Variants in ZNF587 observed in about 807,000 individuals in gnomAD.
ZNF587 encodes zinc finger protein zfp6.
Under a neutral mutation model 7.5 loss-of-function variants are expected in ZNF587, and 8 were observed. The ratio of observed to expected loss-of-function variants is 1.06; its 90% confidence interval spans 0.62 to 1.92. ZNF587 has a LOEUF of 1.92. Ranked by LOEUF, ZNF587 falls within the 40% of genes most tolerant of loss-of-function variation. The pLI is 0.00. For missense variants in ZNF587, 468 were observed against 692.8 expected, an observed-to-expected ratio of 0.68 and a Z score of 3.64; for synonymous variants, 145 against 237.8, an observed-to-expected ratio of 0.61 and a Z score of 3.59.
At chr19:57,852,943 C>T (rs138072220) in intron 1 of ZNF587, among the ~76,000 whole-genome samples, 2 of 146,756 alleles carry the variant, frequency 1.4e-5, no homozygotes, top group Non-Finnish European at 3.0e-5. Flanking sequence ...ACCTTCACCT[C>T]CTGGGCTCAA....
Position 57,864,901 on chromosome 19 carries a change from T to TG in ZNF587, c.*4765dup, listed in dbSNP as rs1330214923. ...GAGATGGTGCCATCGCACTCTAGCC[T>TG]GGGGAATAGAGTGAGATCCTGCCTC... On this transcript the variant is annotated 3_prime_UTR_variant, in exon 3 of 3. Coordinates refer to ENST00000339656, the MANE Select transcript of ZNF587 (RefSeq NM_032828.4). 5.3e-5 allele frequency: 8 copies of TG among 152,100 alleles called. No individual in the cohort carries two copies. Among genetic ancestry groups the TG allele is most frequent in the Non-Finnish European group, 5.9e-5 (4 of 68,034 alleles). 9.4% of individuals were successfully genotyped at this position (152,100 alleles called of 1,614,324 possible).
chr19:57,862,961 TTG>T lies in ZNF587; in HGVS notation c.*2825_*2826del, dbSNP rs1227685671. On this transcript the variant is annotated 3_prime_UTR_variant, in exon 3 of 3. Coordinates refer to ENST00000339656, the MANE Select transcript of ZNF587 (RefSeq NM_032828.4). Reference sequence around the variant, plus strand: ...CAAGCAAAGTTATTGAGTGGACACTTTGTGTTTTTTTTGAGAAGTCTCACTCT... The same window carrying T: ...CAAGCAAAGTTATTGAGTGGACACTTTGTTTTTTTTGAGAAGTCTCACTCT... The T allele has an allele frequency of 6.5e-6, 1 of 154,606 alleles. No individual in the cohort carries two copies. The highest frequency in any genetic ancestry group is 1.5e-5 in the Non-Finnish European group (1 of 68,238). 9.6% of individuals were successfully genotyped at this position (154,606 alleles called of 1,614,324 possible).
At chr19:57,851,934 G>A (rs1040308201) in intron 1 of ZNF587, 4 of 163,800 alleles carry the variant, frequency 2.4e-5, no homozygotes, top group African/African-American at 9.5e-5. Context: ...GGGTTACCTG[G>A]TTCCAGGGAC....
In ZNF587 at chr19:57,860,855, A is replaced by G. The variant is rs924252751; in HGVS notation, c.*715A>G. On this transcript the variant is annotated 3_prime_UTR_variant, in exon 3 of 3. Coordinates refer to ENST00000339656, the MANE Select transcript of ZNF587 (RefSeq NM_032828.4). ...GTGCAGTGCCTGAGTCACGTGATAGATTAAAGTACAACTCTTTTTTGAGAC... is the reference window on the plus strand; with the variant it reads ...GTGCAGTGCCTGAGTCACGTGATAGGTTAAAGTACAACTCTTTTTTGAGAC... 1 of 152,110 alleles carries G rather than the reference A, an allele frequency of 6.6e-6. No homozygotes were observed. The highest frequency in any genetic ancestry group is 1.5e-5 in the Non-Finnish European group (1 of 68,050). The allele number at this position is 152,110 out of a possible 1,614,324, so 9.4% of individuals were successfully genotyped here. A position where few individuals can be genotyped will look rare whatever the true frequency, so the allele number is the denominator to read the frequency against.
chr19:57,851,953 G>T (rs545682134), intron 1 of ZNF587: 90 of 172,026 alleles, frequency 5.2e-4, no homozygotes, highest in African/African-American at 1.6e-3. Flanking sequence ...ACAAGAAAGG[G>T]TTCAGGGAGT....
Position 57,859,355 on chromosome 19 carries a change from C to T in ZNF587, c.943C>T (p.Gln315Ter). ...FSQKGSLISH[Q>*]LVHTGEGPYE... Reference sequence around the variant, plus strand: ...TCAGAAGGGCAGCCTTATTAGCCATCAGCTTGTTCACACTGGAGAAGGGCC... The same window carrying T: ...TCAGAAGGGCAGCCTTATTAGCCATTAGCTTGTTCACACTGGAGAAGGGCC... Residue 315 changes from glutamine to a stop codon, truncating the protein, a stop_gained, in exon 3 of 3, where the codon CAG becomes TAG. Transcript: ENST00000339656. LOFTEE classifies it low-confidence loss of function (END_TRUNC). 1 of 1,610,268 alleles carries T rather than the reference C, an allele frequency of 6.2e-7. No homozygotes were observed. The highest frequency in any genetic ancestry group is 1.1e-5 in the South Asian group (1 of 90,998).
chr19:57,851,796 G>A (rs2071283803), intron 1 of ZNF587: 1 of 152,290 alleles, frequency 6.6e-6, no homozygotes, highest in African/African-American at 2.4e-5. Context: ...GCCAATCAAA[G>A]GAAGAACATC....
rs1319529450 is a variant in ZNF587, at chr19:57,858,364, T to G, written c.164-212T>G. The G allele has an allele frequency of 2.2e-6, 2 of 908,006 alleles. 1 individual carries two copies. Among genetic ancestry groups the G allele is most frequent in the African/African-American group, 3.4e-5 (2 of 58,762 alleles). 56.2% of individuals were successfully genotyped at this position (908,006 alleles called of 1,614,324 possible). Reference sequence around the variant, plus strand: ...CTGGTCTTGAACTTCTGACCTCAGGTGATCCACCCGCCTCAGCCTCCCAAA... The same window carrying G: ...CTGGTCTTGAACTTCTGACCTCAGGGGATCCACCCGCCTCAGCCTCCCAAA... On this transcript the variant is annotated intron_variant, in intron 2 of 2. Transcript: ENST00000339656.
In ZNF587 at chr19:57,859,877, G is replaced by C. The variant is rs374819855; in HGVS notation, c.1465G>C (p.Glu489Gln). The C allele has an allele frequency of 6.2e-7, 1 of 1,614,216 alleles. No individual in the cohort carries two copies. Among genetic ancestry groups the C allele is most frequent in the Non-Finnish European group, 8.5e-7 (1 of 1,180,032 alleles). The change falls in exon 3 of 3, where the codon GAA becomes CAA. Residue 489 changes from glutamate (E) to glutamine (Q), a missense_variant. Glu to Gln is a conservative substitution (Grantham distance 29). This residue lies in a region of ZNF587 where 310 missense variants were observed against 325.6 expected (regional missense o/e 0.95). Transcript: ENST00000339656. ...TATACATCAGAGGATTCACACTGGAGAAAGGCCGTATGAATGCAGTGAATG... is the reference window on the plus strand; with the variant it reads ...TATACATCAGAGGATTCACACTGGACAAAGGCCGTATGAATGCAGTGAATG... ...VTIHQRIHTG[E>Q]RPYECSECGK... is the part of the protein sequence containing the mutation.
chr19:57,854,086 A>G (rs1202092798), intron 1 of ZNF587: 2 of 152,192 alleles, frequency 1.3e-5, no homozygotes, highest in Non-Finnish European at 2.9e-5. Context: ...GGACTCATAA[A>G]CATTTTGAGA....
In ZNF587 at chr19:57,853,750, C is replaced by CT. The variant is rs1232931569; in HGVS notation, c.34-2348dup. On this transcript the variant is annotated intron_variant, in intron 1 of 2. Transcript: ENST00000339656. ...GCCTGAGTTGGTGCCAAAGTTGTAA[C>CT]TTTTTTGTTTTTTTTTTTTTTTCAG... 741 of 144,384 alleles carry CT rather than the reference C, an allele frequency of 5.1e-3. 16 individuals are homozygous for CT. The highest frequency in any genetic ancestry group is 0.018 in the Middle Eastern group (5 of 282). 8.9% of individuals were successfully genotyped at this position (144,384 alleles called of 1,614,324 possible). A position where few individuals can be genotyped will look rare whatever the true frequency, so the allele number is the denominator to read the frequency against.
chr19:57,856,281 C>G (rs368530334), intron 2 of ZNF587, 48 bp downstream of exon 2: 2 of 1,531,148 alleles, frequency 1.3e-6, no homozygotes, highest in Admixed American at 2.1e-5. Context: ...TGTTACTGTT[C>G]CCCTGTTTTT....
chr19:57,856,616 G>C (rs183102230), intron 2 of ZNF587, among the ~76,000 whole-genome samples: 1 of 151,946 alleles, frequency 6.6e-6, no homozygotes, highest in African/African-American at 2.4e-5. Context: ...CACCGTGTTA[G>C]CCAGGATGGT....
rs953676922 is a variant in ZNF587 at position 57,863,355 on chromosome 19, A to G, written c.*3215A>G. ...CTGGTCTCAAACTCCTGACCTCGTG[A>G]TCCACCCACCTCGGCCTCCCAAAGT... On this transcript the variant is annotated 3_prime_UTR_variant, in exon 3 of 3. Coordinates refer to ENST00000339656, the MANE Select transcript of ZNF587 (RefSeq NM_032828.4). 2.6e-5 allele frequency: 4 copies of G among 152,306 alleles called. No individual in the cohort carries two copies. The highest frequency in any genetic ancestry group is 5.9e-5 in the Non-Finnish European group (4 of 68,198). The allele number at this position is 152,306 out of a possible 1,614,324, so 9.4% of individuals were successfully genotyped here.
At chr19:57,853,121 G>A (rs2071303645) in intron 1 of ZNF587, among the ~76,000 whole-genome samples, 1 of 152,130 alleles carries the variant, frequency 6.6e-6, no homozygotes, top group Non-Finnish European at 1.5e-5. Context: ...CCCAAGTGCT[G>A]GGATTATAGG....
chr19:57,855,565 GTTTTT>G (rs750033909), intron 1 of ZNF587, among the ~76,000 whole-genome samples: 2 of 137,362 alleles, frequency 1.5e-5, no homozygotes, highest in East Asian at 2.1e-4. Flanking sequence ...GGCTTTTTTT[GTTTTT>G]TTTTTTTTTG....
At chr19:57,855,840 C>T (rs2071348397) in intron 1 of ZNF587, 1 of 434,526 alleles carries the variant, frequency 2.3e-6, no homozygotes, top group Non-Finnish European at 4.1e-6. Context: ...GGATTACAGG[C>T]GTGAGCCACC....
rs2122293548 is a variant in ZNF587, at chr19:57,850,070, A to T, written c.32A>T (p.Gln11Leu). The T allele has an allele frequency of 6.2e-7, 1 of 1,614,262 alleles. No homozygotes were observed. The highest frequency in any genetic ancestry group is 1.1e-5 in the South Asian group (1 of 91,088). Reference sequence around the variant, plus strand: ...GCGGCTGTGCCGAGGCGCCCAACTCAGGTAATTGTGGTGCCTTCTGTGCCC... The same window carrying T: ...GCGGCTGTGCCGAGGCGCCCAACTCTGGTAATTGTGGTGCCTTCTGTGCCC... The part of the protein sequence containing the change: MAAAVPRRPT[Q>L]QGTVTFEDVA... The change falls in exon 1 of 3, where the codon CAG (glutamine) becomes CTG (leucine). Residue 11 changes from glutamine (Q) to leucine (L), a missense_variant and splice_region_variant. Coordinates refer to ENST00000339656, the MANE Select transcript of ZNF587 (RefSeq NM_032828.4).
Position 57,856,154 on chromosome 19 carries a change from G to C in ZNF587, c.84G>C (p.Glu28Asp). The change falls in exon 2 of 3, where the codon GAG becomes GAC. Residue 28 changes from glutamate (E) to aspartate (D), a missense_variant. Coordinates refer to ENST00000339656, the MANE Select transcript of ZNF587 (RefSeq NM_032828.4). ...EDVAVNFSQEEWCLLSEAQRC... is the reference protein window; with the variant it reads ...EDVAVNFSQEDWCLLSEAQRC... ...TGGCTGTGAACTTTTCCCAGGAGGA[G>C]TGGTGTCTTCTTAGTGAGGCTCAGA... 5.0e-6 allele frequency: 8 copies of C among 1,613,154 alleles called. No individual in the cohort carries two copies. The highest frequency in any genetic ancestry group is 6.8e-6 in the Non-Finnish European group (8 of 1,179,584).
Sources: gnomAD v4.1 joint callset for allele counts (sites outside exome capture counted in the v4.1 genomes callset) on GRCh38, gnomAD v4.1.1 for gene constraint, gnomAD v4.1.1 regional missense constraint, MANE v1.5 for transcripts, NCBI Gene and HGNC (gene_info 2026-07-23, HGNC 2026-07-21) for gene names.